PRKD3: variants seen among roughly 807,000 people sequenced by gnomAD.
The protein encoded by PRKD3 is serine/threonine-protein kinase D3.
Under a neutral mutation model 99.2 loss-of-function variants are expected in PRKD3, and 47 were observed. That is an observed-to-expected ratio of 0.47 (90% CI 0.38 to 0.60). The LOEUF is 0.60. Ranked by LOEUF, PRKD3 falls within the 20% of genes least tolerant of loss-of-function variation. The pLI, the probability that PRKD3 is intolerant of heterozygous loss-of-function variation, is 0.00. For missense variants in PRKD3, 1,019 were observed against 1,088.4 expected (o/e 0.94, Z 0.90); for synonymous variants, 392 against 355.4 (o/e 1.10, Z -1.16).
chr2:37,323,605 C>T (rs946022024), intron 1 of PRKD3, among the ~76,000 whole-genome samples: 1 of 151,982 alleles, frequency 6.6e-6, no homozygotes. Context: ...TTTATGGACG[C>T]CTTCTGCAGC....
intron 7 of PRKD3, among the ~76,000 whole-genome samples, chr2:37,280,233 T>TG (rs1669793720): frequency 6.6e-6 from 1 of 151,858 alleles, no homozygotes; most frequent in South Asian, 2.1e-4. Context: ...TTAGTAGAGA[T>TG]GGGGTTTCGC....
At chr2:37,280,052 C>CT in intron 7 of PRKD3, 123 bp from the exon 8 acceptor site, 2 of 591,830 alleles carry the variant, frequency 3.4e-6, no homozygotes, top group South Asian at 2.7e-5. Flanking sequence ...TAAAGTATTT[C>CT]TCTTTTTTTT....
intron 1 of PRKD3, among the ~76,000 whole-genome samples, chr2:37,317,502 T>A (rs1274676473): frequency 6.6e-6 from 1 of 151,886 alleles, no homozygotes; most frequent in South Asian, 2.1e-4. Flanking sequence ...CTGAGTTATA[T>A]CAAAAACAGA....
In PRKD3 at chr2:37,304,449, T is replaced by A. The variant is rs560511131; in HGVS notation, c.289-11178A>T. Among the ~76,000 whole-genome samples, 10 of 152,160 alleles carry A rather than the reference T, an allele frequency of 6.6e-5. No homozygotes were observed. The Middle Eastern group carries it at 0.014, about 207-fold the overall frequency. On this transcript the variant is annotated intron_variant, in intron 2 of 18. Coordinates refer to ENST00000234179, the MANE Select transcript of PRKD3 (RefSeq NM_005813.6). Reference sequence around the variant, plus strand: ...AACCCAGAATTTTTTGGATATGAAATATCATAAGAGGCCAGGTGTGGTGGC... The same window carrying A: ...AACCCAGAATTTTTTGGATATGAAAAATCATAAGAGGCCAGGTGTGGTGGC...
intron 7 of PRKD3, among the ~76,000 whole-genome samples, chr2:37,281,127 G>C (rs1395173124): frequency 2.0e-5 from 3 of 152,152 alleles, no homozygotes; most frequent in Non-Finnish European, 4.4e-5. Flanking sequence ...TAGGGATGTA[G>C]AGAAATCAGA....
chr2:37,322,132 C>T (rs531766412), intron 1 of PRKD3, among the ~76,000 whole-genome samples: 4 of 152,238 alleles, frequency 2.6e-5, no homozygotes, highest in Admixed American at 6.5e-5. Flanking sequence ...TCTTTTACCA[C>T]GTAAAAGTAT....
intron 2 of PRKD3, among the ~76,000 whole-genome samples, chr2:37,296,021 G>T (rs1670659906): frequency 6.6e-6 from 1 of 152,012 alleles, no homozygotes; most frequent in African/African-American, 2.4e-5. Flanking sequence ...AAGAGACAAG[G>T]AACTTTCTCT....
intron 14 of PRKD3, among the ~76,000 whole-genome samples, chr2:37,266,427 G>A (rs1248271515): frequency 1.3e-5 from 2 of 151,890 alleles, no homozygotes; most frequent in Admixed American, 1.3e-4. Context: ...CCAGGTACAA[G>A]TGATTCTCCT....
chr2:37,297,085 C>T (rs1202526005), intron 2 of PRKD3, among the ~76,000 whole-genome samples: 1 of 151,768 alleles, frequency 6.6e-6, no homozygotes, highest in African/African-American at 2.4e-5. Context: ...ATTCAATATA[C>T]AAGGATTTAC....
At chr2:37,275,719 AC>A (rs760017991) in intron 10 of PRKD3, 47 bp downstream of exon 10, 87 of 1,527,986 alleles carry the variant, frequency 5.7e-5, no homozygotes, top group East Asian at 1.2e-4. Flanking sequence ...TCTGAAAAAA[AC>A]ATACACTATC....
chr2:37,288,884 T>C (rs1670246462), intron 5 of PRKD3, among the ~76,000 whole-genome samples: 1 of 151,962 alleles, frequency 6.6e-6, no homozygotes, highest in Admixed American at 6.6e-5. Flanking sequence ...TGAAACCTCA[T>C]CTCTACTAAA....
chr2:37,262,629 G>C (rs1031099948), intron 14 of PRKD3, among the ~76,000 whole-genome samples: 6 of 152,104 alleles, frequency 3.9e-5, no homozygotes, highest in African/African-American at 9.7e-5. Flanking sequence ...TATCAACAGA[G>C]GTTGAAATGT....
At chr2:37,299,030 T>C (rs966273235) in intron 2 of PRKD3, among the ~76,000 whole-genome samples, 1 of 152,224 alleles carries the variant, frequency 6.6e-6, no homozygotes, top group Non-Finnish European at 1.5e-5. Context: ...CTTTCAGTTT[T>C]TTCCCATTCA....
chr2:37,269,864 C>G (rs760313921), intron 12 of PRKD3, among the ~76,000 whole-genome samples, 177 bp from the exon 13 acceptor site: 1 of 152,158 alleles, frequency 6.6e-6, no homozygotes, highest in Non-Finnish European at 1.5e-5. Flanking sequence ...AGAGGTTAAG[C>G]CCAAATTTTA....
chr2:37,275,738 T>G, intron 10 of PRKD3, 29 bp downstream of exon 10: 1 of 1,572,098 alleles, frequency 6.4e-7, no homozygotes, highest in Non-Finnish European at 8.6e-7. Flanking sequence ...ATCTTAATGC[T>G]TATATTTTTT....
At position 37,274,507 on chromosome 2, in the gene PRKD3, C is replaced by T; in HGVS notation, c.1565G>A (p.Ser522Asn). ...ATGVGLDVAQ[S>N]WEKAIRQALM... ...GGCTTGGCGAATTGCTTTTTCCCAG[C>T]TCTGTGCTACATCAAGTCCAACTCC... is the stretch of plus-strand genomic sequence containing the variant. The change falls in exon 11 of 19, where the codon AGC (serine) becomes AAC (asparagine). Residue 522 changes from serine (S) to asparagine (N), a missense_variant. Around this residue, in one of 3 missense-constraint regions of PRKD3, gnomAD observed 710 missense variants for 692.7 expected, o/e 1.02. Coordinates refer to ENST00000234179, the MANE Select transcript of PRKD3 (RefSeq NM_005813.6). The T allele has an allele frequency of 6.2e-7, 1 of 1,614,122 alleles. No homozygotes were observed. Among genetic ancestry groups the T allele is most frequent in the Non-Finnish European group, 8.5e-7 (1 of 1,179,990 alleles).
At chr2:37,289,059 A>C (rs148748838) in intron 5 of PRKD3, among the ~76,000 whole-genome samples, 3,442 of 143,674 alleles carry the variant, frequency 0.024, 56 homozygotes, top group Middle Eastern at 0.056. Flanking sequence ...ATCTCAAAAA[A>C]ACAAAAATTA....
chr2:37,257,009 G>T, intron 16 of PRKD3, 80 bp from the exon 17 acceptor site: 1 of 1,435,634 alleles, frequency 7.0e-7, no homozygotes, highest in Non-Finnish European at 9.6e-7. Flanking sequence ...AACACTGTAT[G>T]TATCATTTCA....
At chr2:37,279,313 A>T (rs1669725767) in intron 8 of PRKD3, 1 of 152,722 alleles carries the variant, frequency 6.5e-6, no homozygotes, top group Non-Finnish European at 1.5e-5. Flanking sequence ...AAACTGCCCT[A>T]AACTTCATCA....
Sources: gnomAD v4.1 joint callset for allele counts (sites outside exome capture counted in the v4.1 genomes callset) on GRCh38, gnomAD v4.1.1 for gene constraint, gnomAD v4.1.1 regional missense constraint, MANE v1.5 for transcripts, NCBI Gene and HGNC (gene_info 2026-07-23, HGNC 2026-07-21) for gene names.